The following FBXL7 variants were observed in gnomAD, a reference collection of about 807,000 sequenced individuals.
FBXL7 encodes F-box and leucine rich repeat protein 7.
In FBXL7, 12 loss-of-function variants were observed where a neutral mutation model predicts 38.3. That is an observed-to-expected ratio of 0.31 (90% CI 0.20 to 0.51). FBXL7 has a LOEUF of 0.51. FBXL7 is among the 20% of genes least tolerant of loss of function. FBXL7 has a pLI of 0.98. For missense variants in FBXL7, 567 were observed against 676.4 expected, an observed-to-expected ratio of 0.84 and a Z score of 1.79; for synonymous variants, 297 against 300.9, an observed-to-expected ratio of 0.99 and a Z score of 0.13.
At chr5:15,606,257 G>A (rs187390851) in intron 1 of FBXL7, among the ~76,000 whole-genome samples, 49 of 152,184 alleles carry the variant, frequency 3.2e-4, no homozygotes, top group African/African-American at 1.2e-3. Flanking sequence ...TCTTCATGCT[G>A]TGACTCTAGC....
chr5:15,538,140 T>TA (rs1737638983), intron 1 of FBXL7, among the ~76,000 whole-genome samples: 1 of 152,208 alleles, frequency 6.6e-6, no homozygotes. Context: ...TCTCCCCTAT[T>TA]AAACACATTC....
intron 2 of FBXL7, among the ~76,000 whole-genome samples, chr5:15,638,615 G>A (rs1741261850): frequency 6.6e-6 from 1 of 151,986 alleles, no homozygotes; most frequent in African/African-American, 2.4e-5. Context: ...CACATCTCGG[G>A]GGAGGGAGCG....
chr5:15,697,211 C>T (rs2126629151), intron 2 of FBXL7, among the ~76,000 whole-genome samples: 1 of 151,944 alleles, frequency 6.6e-6, no homozygotes, highest in Non-Finnish European at 1.5e-5. Flanking sequence ...TTTTGTTGGG[C>T]CTTAAGGAAT....
At chr5:15,827,537 A>T (rs1738348234) in intron 2 of FBXL7, among the ~76,000 whole-genome samples, 1 of 152,202 alleles carries the variant, frequency 6.6e-6, no homozygotes, top group African/African-American at 2.4e-5. Flanking sequence ...ATATCAAGAT[A>T]CCAGTATCTG....
rs1315537736 is a variant in FBXL7 at position 15,868,237 on chromosome 5, C to G, written c.128-59653C>G. 2.6e-5 allele frequency among the ~76,000 whole-genome samples: 4 copies of G among 152,182 alleles called. No individual in the cohort carries two copies. In the East Asian group the frequency reaches 7.7e-4, roughly 29 times the overall value. Reference sequence around the variant, plus strand: ...GAACCTACAACCTGCAAAGCCAAGTCCTACAGTGGAATTCTGTCAACAGTC... The same window carrying G: ...GAACCTACAACCTGCAAAGCCAAGTGCTACAGTGGAATTCTGTCAACAGTC... On this transcript the variant is annotated intron_variant, in intron 2 of 3. Coordinates refer to ENST00000504595, the MANE Select transcript of FBXL7 (RefSeq NM_012304.5).
intron 2 of FBXL7, among the ~76,000 whole-genome samples, chr5:15,770,894 G>A (rs536666537): frequency 3.9e-5 from 6 of 152,216 alleles, no homozygotes; most frequent in Non-Finnish European, 7.4e-5. Context: ...GATGAGGCAG[G>A]CACGATGTTA....
chr5:15,524,747 A>G (rs1580351427), intron 1 of FBXL7, among the ~76,000 whole-genome samples: 1 of 152,222 alleles, frequency 6.6e-6, no homozygotes, highest in African/African-American at 2.4e-5. Flanking sequence ...CATTTTATCC[A>G]TTTATCATAG....
At chr5:15,619,063 C>T (rs1740540354) in intron 2 of FBXL7, among the ~76,000 whole-genome samples, 3 of 152,174 alleles carry the variant, frequency 2.0e-5, no homozygotes, top group Admixed American at 2.0e-4. Context: ...TCCCATGATT[C>T]TTCCCTTAGG....
chr5:15,818,283 T>C (rs1264636665), intron 2 of FBXL7, among the ~76,000 whole-genome samples: 2 of 152,156 alleles, frequency 1.3e-5, no homozygotes, highest in Non-Finnish European at 2.9e-5. Context: ...CTCCTGTTTT[T>C]CAAACTAGTG....
intron 2 of FBXL7, among the ~76,000 whole-genome samples, chr5:15,633,774 ATTATT>A (rs1395432788): frequency 7.4e-6 from 1 of 135,090 alleles, no homozygotes. Flanking sequence ...TATTATTATT[ATTATT>A]TTATTATTTT....
chr5:15,710,669 A>G lies in FBXL7; in HGVS notation c.127+94597A>G, dbSNP rs140794967. On this transcript the variant is annotated intron_variant, in intron 2 of 3. Transcript: ENST00000504595. ...TAACACCTAGAATGGTACCTGGCCC[A>G]TAGTGGGTGGCTAATAAGTATTTAT... is the stretch of plus-strand genomic sequence containing the variant. Among the ~76,000 whole-genome samples the G allele has an allele frequency of 4.3e-3, 650 of 152,306 alleles. 4 individuals carry two copies. The highest frequency in any genetic ancestry group is 0.015 in the African/African-American group (629 of 41,554).
chr5:15,934,680 C>T (rs1742131038), intron 3 of FBXL7, among the ~76,000 whole-genome samples: 1 of 152,100 alleles, frequency 6.6e-6, no homozygotes, highest in Non-Finnish European at 1.5e-5. Context: ...AACTATAAAA[C>T]AGACAACTGT....
At chr5:15,713,278 T>C (rs1743935341) in intron 2 of FBXL7, among the ~76,000 whole-genome samples, 1 of 152,162 alleles carries the variant, frequency 6.6e-6, no homozygotes. Context: ...TGGTGCACCT[T>C]ATTCACTACC....
intron 2 of FBXL7, among the ~76,000 whole-genome samples, chr5:15,893,680 C>T (rs186706513): frequency 1.3e-5 from 2 of 152,196 alleles, no homozygotes; most frequent in Non-Finnish European, 2.9e-5. Context: ...AATGCAACTT[C>T]AAGCCAAAAT....
intron 2 of FBXL7, among the ~76,000 whole-genome samples, chr5:15,848,913 C>A (rs182113514): frequency 6.6e-6 from 1 of 152,128 alleles, no homozygotes; most frequent in Non-Finnish European, 1.5e-5. Flanking sequence ...AAACAAAGCC[C>A]GAGTGAATGT....
At chr5:15,865,057 CTT>C (rs1739646188) in intron 2 of FBXL7, among the ~76,000 whole-genome samples, 1 of 152,146 alleles carries the variant, frequency 6.6e-6, no homozygotes, top group African/African-American at 2.4e-5. Context: ...GAAGGATTCT[CTT>C]TACATGATGG....
chr5:15,764,292 A>G (rs958926922), intron 2 of FBXL7, among the ~76,000 whole-genome samples: 2 of 152,224 alleles, frequency 1.3e-5, no homozygotes, highest in Non-Finnish European at 2.9e-5. Context: ...CTGTATTTTG[A>G]CCACAAGATA....
chr5:15,903,248 A>G (rs1481541345), intron 2 of FBXL7, among the ~76,000 whole-genome samples: 1 of 150,240 alleles, frequency 6.7e-6, no homozygotes, highest in African/African-American at 2.5e-5. Flanking sequence ...ATTCTGACAA[A>G]TAAATCCTGC....
At chr5:15,703,373 A>G (rs1325916875) in intron 2 of FBXL7, among the ~76,000 whole-genome samples, 1 of 152,248 alleles carries the variant, frequency 6.6e-6, no homozygotes, top group African/African-American at 2.4e-5. Flanking sequence ...CTTTGATTCT[A>G]TGATGTGCAT....
Sources: gnomAD v4.1 joint callset for allele counts (sites outside exome capture counted in the v4.1 genomes callset) on GRCh38, gnomAD v4.1.1 for gene constraint, MANE v1.5 for transcripts, NCBI Gene and HGNC (gene_info 2026-07-23, HGNC 2026-07-21) for gene names.